The following KIAA0319L variants were observed in gnomAD, a reference collection of about 807,000 sequenced individuals.
KIAA0319L encodes the protein dyslexia-associated protein KIAA0319-like protein.
KIAA0319L carries 55 observed loss-of-function variants against 120.1 expected under a neutral mutation model. That is an observed-to-expected ratio of 0.46 (90% confidence interval 0.37 to 0.57). The LOEUF is 0.57. Ranked by LOEUF, KIAA0319L falls within the 20% of genes least tolerant of loss-of-function variation. KIAA0319L has a pLI of 0.00. For synonymous variants in KIAA0319L, 398 were observed against 471.9 expected (o/e 0.84, Z 2.03); for missense variants, 1,049 against 1,255.3 (o/e 0.84, Z 2.48).
intron 2 of KIAA0319L, among the ~76,000 whole-genome samples, chr1:35,529,610 C>T (rs906715468): frequency 2.0e-5 from 3 of 152,196 alleles, no homozygotes; most frequent in Non-Finnish European, 2.9e-5. Context: ...TGTTTTTTCC[C>T]TTCAGCACTT....
chr1:35,551,279 ACTT>A (rs1452844318), intron 2 of KIAA0319L, among the ~76,000 whole-genome samples: 1 of 152,098 alleles, frequency 6.6e-6, no homozygotes, highest in Non-Finnish European at 1.5e-5. Context: ...ATTCATTTTA[ACTT>A]CTTATTTATG....
chr1:35,469,824 AAT>A (rs1643502135), intron 6 of KIAA0319L, among the ~76,000 whole-genome samples: 1 of 151,986 alleles, frequency 6.6e-6, no homozygotes, highest in South Asian at 2.1e-4. Flanking sequence ...GTGTACAATG[AAT>A]AGATGTAGAA....
chr1:35,456,736 G>A (rs1199230294), intron 9 of KIAA0319L, among the ~76,000 whole-genome samples: 3 of 151,770 alleles, frequency 2.0e-5, no homozygotes, highest in African/African-American at 4.8e-5. Context: ...TCTTGAACCC[G>A]GGAGGCGGAC....
intron 2 of KIAA0319L, among the ~76,000 whole-genome samples, chr1:35,545,642 G>A (rs180715682): frequency 3.3e-5 from 5 of 152,270 alleles, no homozygotes; most frequent in South Asian, 2.1e-4. Flanking sequence ...AGCCAGGTGC[G>A]GTGGCTCACA....
At chr1:35,455,265 C>T (rs960640090) in intron 10 of KIAA0319L, among the ~76,000 whole-genome samples, 3 of 152,162 alleles carry the variant, frequency 2.0e-5, no homozygotes, top group African/African-American at 7.2e-5. Context: ...AATGTTAGGA[C>T]CATCCTTCCA....
chr1:35,528,591 G>T (rs113388330), intron 2 of KIAA0319L, among the ~76,000 whole-genome samples: 1 of 152,292 alleles, frequency 6.6e-6, no homozygotes, highest in South Asian at 2.1e-4. Flanking sequence ...GTATTTTGCA[G>T]TTGGTAGATG....
chr1:35,557,521 G>T (rs1396675764), upstream of KIAA0319L: 1 of 369,592 alleles, frequency 2.7e-6, no homozygotes, highest in Non-Finnish European at 5.3e-6. Context: ...GGGGAGGAGG[G>T]GCAGTGCTGG....
intron 3 of KIAA0319L, among the ~76,000 whole-genome samples, chr1:35,501,051 T>C (rs1057110300): frequency 7.2e-5 from 11 of 152,098 alleles, no homozygotes; most frequent in Non-Finnish European, 1.0e-4. Flanking sequence ...CTGGGGTTCA[T>C]AGTTCAAATT....
At chr1:35,534,655 C>G (rs543437702) in intron 2 of KIAA0319L, among the ~76,000 whole-genome samples, 3 of 151,794 alleles carry the variant, frequency 2.0e-5, no homozygotes, top group Non-Finnish European at 2.9e-5. Context: ...GTCAGGAAAT[C>G]GAGAACTTCC....
At chr1:35,472,009 C>T (rs978218715) in intron 5 of KIAA0319L, among the ~76,000 whole-genome samples, 6 of 152,094 alleles carry the variant, frequency 3.9e-5, no homozygotes, top group Admixed American at 6.6e-5. Context: ...CGAGAGGAGA[C>T]GGAAAGAAGC....
chr1:35,453,702 GAGTT>G lies in KIAA0319L; in HGVS notation c.1781-17_1781-14del, dbSNP rs750799996. 84 of 1,610,872 alleles carry G rather than the reference GAGTT, an allele frequency of 5.2e-5. No individual in the cohort carries two copies. Among genetic ancestry groups the G allele is most frequent in the Non-Finnish European group, 7.1e-5 (84 of 1,178,350 alleles). The stretch of plus-strand genomic sequence containing the variant: ...GGCTTATTGTTTTCTGGAAGACAAA[GAGTT>G]AGAGGTCAAAAGCAGCCAGTCCAGG... On this transcript the variant is annotated splice_polypyrimidine_tract_variant and intron_variant, in intron 11 of 20. Coordinates refer to ENST00000325722, the MANE Select transcript of KIAA0319L (RefSeq NM_024874.5). The surrounding 1 kb of genome is among the most constrained non-coding windows in gnomAD (Gnocchi z 4.1).
At chr1:35,440,578 C>T (rs1641130629) in intron 20 of KIAA0319L, 1 of 161,086 alleles carries the variant, frequency 6.2e-6, no homozygotes, top group African/African-American at 2.4e-5. Flanking sequence ...TGCCCTAAGA[C>T]ACTGACAGAA....
chr1:35,455,316 T>G (rs1296581571), intron 10 of KIAA0319L, among the ~76,000 whole-genome samples: 1 of 152,216 alleles, frequency 6.6e-6, no homozygotes, highest in African/African-American at 2.4e-5. Flanking sequence ...AGATGACTCC[T>G]TTAGTCAGGG....
intron 3 of KIAA0319L, among the ~76,000 whole-genome samples, chr1:35,481,129 T>C (rs1644145895): frequency 6.6e-6 from 1 of 152,250 alleles, no homozygotes; most frequent in South Asian, 2.1e-4. Flanking sequence ...CAGTAGTACA[T>C]TCTTTTTTAT....
chr1:35,553,369 C>A (rs866221096), intron 2 of KIAA0319L, among the ~76,000 whole-genome samples: 36 of 143,720 alleles, frequency 2.5e-4, no homozygotes, highest in Admixed American at 1.5e-3. Context: ...AAAAAAAAAA[C>A]CATGTAGATC....
In KIAA0319L at chr1:35,454,434, T is replaced by C; in HGVS notation, c.1708A>G (p.Thr570Ala). The change falls in exon 11 of 21, where the codon ACT becomes GCT. Residue 570 changes from threonine to alanine, a missense_variant. Thr to Ala is a moderately conservative substitution (Grantham distance 58). Coordinates refer to ENST00000325722, the MANE Select transcript of KIAA0319L (RefSeq NM_024874.5). ...GTGTCAGTCACTGTGAGCTGGTAAGTGTAGTCTCCTTCTTGCATCGCAGAG... is the reference window on the plus strand; with the variant it reads ...GTGTCAGTCACTGTGAGCTGGTAAGCGTAGTCTCCTTCTTGCATCGCAGAG... ...QLSAMQEGDY[T>A]YQLTVTDTIG... 1 of 1,614,158 alleles carries C rather than the reference T, an allele frequency of 6.2e-7. No homozygotes were observed. The highest frequency in any genetic ancestry group is 1.1e-5 in the South Asian group (1 of 91,082).
At chr1:35,548,797 T>TTATATTCCAGTAGTGC (rs1342858984) in intron 2 of KIAA0319L, among the ~76,000 whole-genome samples, 1 of 152,110 alleles carries the variant, frequency 6.6e-6, no homozygotes. Flanking sequence ...GCTTTGCTCT[T>TTATATTCCAGTAGTGC]TATATTCCAG....
intron 3 of KIAA0319L, among the ~76,000 whole-genome samples, chr1:35,493,248 C>A (rs1403958821): frequency 6.6e-6 from 1 of 152,020 alleles, no homozygotes; most frequent in African/African-American, 2.4e-5. Flanking sequence ...ATACCAGCAA[C>A]AAACAATCAG....
chr1:35,479,965 A>AC (rs1644089727), intron 3 of KIAA0319L, among the ~76,000 whole-genome samples: 2 of 149,050 alleles, frequency 1.3e-5, no homozygotes, highest in Admixed American at 6.7e-5. Flanking sequence ...AAAAAAAAAA[A>AC]AAAAAAACAC....
Sources: gnomAD v4.1 joint callset for allele counts (sites outside exome capture counted in the v4.1 genomes callset) on GRCh38, gnomAD v4.1.1 for gene constraint, Gnocchi (gnomAD v3.1) non-coding constraint, MANE v1.5 for transcripts, NCBI Gene and HGNC (gene_info 2026-07-23, HGNC 2026-07-21) for gene names.